CHD6: variants seen among roughly 807,000 people sequenced by gnomAD.
CHD6 encodes ATP-dependent chromatin remodeler CHD6.
CHD6 carries 50 observed loss-of-function variants against 276.9 expected under a neutral mutation model. That is an observed-to-expected ratio of 0.18 (90% CI 0.14 to 0.23). CHD6 has a LOEUF of 0.23. CHD6 is among the 10% of genes least tolerant of loss of function. The pLI is 1.00. For synonymous variants in CHD6, 1,173 were observed against 1,229.3 expected, an observed-to-expected ratio of 0.95 and a Z score of 0.96; for missense variants, 2,564 against 3,365.8, an observed-to-expected ratio of 0.76 and a Z score of 5.89.
chr20:41,506,982 G>C (rs1402964829), intron 5 of CHD6, among the ~76,000 whole-genome samples: 2 of 152,190 alleles, frequency 1.3e-5, no homozygotes, highest in African/African-American at 4.8e-5. Context: ...AATTAGAAGA[G>C]GCTCTGGAAA....
intron 2 of CHD6, among the ~76,000 whole-genome samples, chr20:41,544,604 T>G (rs2045004720): frequency 6.6e-6 from 1 of 151,544 alleles, no homozygotes; most frequent in Non-Finnish European, 1.5e-5. Context: ...TGAACCACAG[T>G]GCAATTTAAA....
chr20:41,569,935 T>C (rs1247555488), intron 1 of CHD6, among the ~76,000 whole-genome samples: 2 of 152,176 alleles, frequency 1.3e-5, no homozygotes, highest in African/African-American at 4.8e-5. Context: ...CCATGGACAC[T>C]GAGGGACTAC....
chr20:41,451,717 A>C, intron 22 of CHD6, 109 bp downstream of exon 22: 1 of 937,088 alleles, frequency 1.1e-6, no homozygotes, highest in Non-Finnish European at 1.7e-6. Context: ...TCTGAAAAAC[A>C]CCCGAGAAAG....
intron 16 of CHD6, among the ~76,000 whole-genome samples, chr20:41,475,074 A>G (rs1484287282): frequency 6.6e-6 from 1 of 152,238 alleles, no homozygotes; most frequent in African/African-American, 2.4e-5. Context: ...GACAAAGGCT[A>G]AGGATTAGAT....
At chr20:41,570,705 G>A (rs1214720852) in intron 1 of CHD6, among the ~76,000 whole-genome samples, 1 of 152,180 alleles carries the variant, frequency 6.6e-6, no homozygotes, top group Non-Finnish European at 1.5e-5. Flanking sequence ...CTCATATGCT[G>A]TATACTGGGA....
At position 41,463,457 on chromosome 20, in the gene CHD6, T is replaced by C. The variant is rs148172034; in HGVS notation, c.2665-6029A>G. ...TTTATAAGTGGAGAAATCGGACAGA[T>C]ATCACTGTACTAAGTGATCAAAGTT... On this transcript the variant is annotated intron_variant, in intron 17 of 36. Transcript: ENST00000373233. 5.6e-3 allele frequency among the ~76,000 whole-genome samples: 856 copies of C among 152,352 alleles called. 8 individuals carry two copies. Among genetic ancestry groups the C allele is most frequent in the Middle Eastern group, 0.024 (7 of 294 alleles).
At chr20:41,562,466 C>T (rs1359917923) in intron 1 of CHD6, among the ~76,000 whole-genome samples, 1 of 151,312 alleles carries the variant, frequency 6.6e-6, no homozygotes, top group African/African-American at 2.4e-5. Flanking sequence ...TTAAAGGTGC[C>T]AGAGCACCAA....
intron 1 of CHD6, among the ~76,000 whole-genome samples, chr20:41,565,987 G>A (rs976026197): frequency 2.6e-5 from 4 of 152,188 alleles, no homozygotes; most frequent in African/African-American, 9.7e-5. Flanking sequence ...ACAGTCAACA[G>A]GAAGAGCTGG....
rs769715418 is a variant in CHD6, at chr20:41,514,933, G to A, written c.574C>T (p.Pro192Ser). ...RKASKEQGPT[P>S]VEKKKKGKRK... ...TTTCCTTTCTTCTTTTTCTCCACTG[G>A]GGTTGGTCCTTGCTCCTTGCTACAA... is the stretch of plus-strand genomic sequence containing the variant. The change falls in exon 4 of 37, where the codon CCA becomes TCA. Residue 192 changes from proline to serine, a missense_variant. Around this residue, in one of 7 missense-constraint regions of CHD6, gnomAD observed 286 missense variants for 297.8 expected, o/e 0.96. Coordinates refer to ENST00000373233, the MANE Select transcript of CHD6 (RefSeq NM_032221.5). The A allele has an allele frequency of 6.2e-7, 1 of 1,613,876 alleles. No homozygotes were observed. The highest frequency in any genetic ancestry group is 2.2e-5 in the East Asian group (1 of 44,852).
intron 1 of CHD6, among the ~76,000 whole-genome samples, chr20:41,600,067 T>G (rs2045758345): frequency 6.6e-6 from 1 of 152,234 alleles, no homozygotes; most frequent in Non-Finnish European, 1.5e-5. Context: ...ATTTTCTAAG[T>G]GCTGGTTTTT....
At chr20:41,575,391 A>G (rs2045463577) in intron 1 of CHD6, among the ~76,000 whole-genome samples, 1 of 152,192 alleles carries the variant, frequency 6.6e-6, no homozygotes, top group Non-Finnish European at 1.5e-5. Context: ...GCCAGTAAAA[A>G]TATATATTTA....
chr20:41,445,556 C>A, intron 25 of CHD6, 109 bp downstream of exon 25: 2 of 666,064 alleles, frequency 3.0e-6, no homozygotes, highest in Admixed American at 2.5e-5. Flanking sequence ...GAATGTGTAA[C>A]AGAATGATAG....
chr20:41,610,612 T>C (rs943715419), intron 1 of CHD6, among the ~76,000 whole-genome samples: 2 of 151,904 alleles, frequency 1.3e-5, no homozygotes, highest in Non-Finnish European at 2.9e-5. Context: ...ATACAAAAAA[T>C]TAGCCGGGTG....
At chr20:41,557,283 A>C (rs1382467743) in intron 1 of CHD6, among the ~76,000 whole-genome samples, 1 of 152,234 alleles carries the variant, frequency 6.6e-6, no homozygotes, top group East Asian at 1.9e-4. Context: ...CAAGAAGGTA[A>C]GCTGCTAATG....
intron 17 of CHD6, among the ~76,000 whole-genome samples, chr20:41,468,960 C>G (rs1026725745): frequency 9.9e-5 from 15 of 152,176 alleles, no homozygotes; most frequent in Admixed American, 9.2e-4. Flanking sequence ...CCACTGCACT[C>G]TAGCCTGGAT....
intron 17 of CHD6, among the ~76,000 whole-genome samples, chr20:41,468,853 A>G (rs989497131): frequency 6.6e-6 from 1 of 152,086 alleles, no homozygotes; most frequent in Non-Finnish European, 1.5e-5. Context: ...CTTCTCTACA[A>G]AAATTACAAA....
chr20:41,554,711 G>A (rs1316826412), intron 1 of CHD6, among the ~76,000 whole-genome samples: 5 of 151,646 alleles, frequency 3.3e-5, no homozygotes, highest in East Asian at 1.9e-4. Flanking sequence ...TTGGGGGTAA[G>A]GTCACAGATC....
chr20:41,555,111 A>AC (rs1469176256), intron 1 of CHD6, among the ~76,000 whole-genome samples: 13 of 117,544 alleles, frequency 1.1e-4, no homozygotes, highest in East Asian at 2.7e-4. Flanking sequence ...CGGGGGGCTG[A>AC]CCCCCCCACC....
chr20:41,580,612 A>G (rs1310852429), intron 1 of CHD6, among the ~76,000 whole-genome samples: 1 of 136,938 alleles, frequency 7.3e-6, no homozygotes, highest in Non-Finnish European at 1.5e-5. Flanking sequence ...ATGAGACGTG[A>G]TTATGCCTGG....
Sources: gnomAD v4.1 joint callset for allele counts (sites outside exome capture counted in the v4.1 genomes callset) on GRCh38, gnomAD v4.1.1 for gene constraint, gnomAD v4.1.1 regional missense constraint, MANE v1.5 for transcripts, NCBI Gene and HGNC (gene_info 2026-07-23, HGNC 2026-07-21) for gene names.